KIF13B: variants seen among roughly 807,000 people sequenced by gnomAD.
KIF13B encodes the protein kinesin-like protein KIF13B.
Under a neutral mutation model 222.0 loss-of-function variants are expected in KIF13B, and 127 were observed. The ratio of observed to expected loss-of-function variants is 0.57; its 90% CI spans 0.50 to 0.66. The LOEUF (loss-of-function observed/expected upper bound fraction) is 0.66, where lower values mean the gene tolerates loss of function less well. Among genes scored for constraint, KIF13B ranks in the 30% least tolerant of loss-of-function variants. KIF13B has a pLI of 0.00. For missense variants in KIF13B, 2,173 were observed against 2,379.0 expected, an observed-to-expected ratio of 0.91 and a Z score of 1.80; for synonymous variants, 976 against 919.0, an observed-to-expected ratio of 1.06 and a Z score of -1.12.
chr8:29,103,772 C>T (rs774314968), intron 35 of KIF13B, among the ~76,000 whole-genome samples: 5 of 152,120 alleles, frequency 3.3e-5, no homozygotes, highest in Non-Finnish European at 7.4e-5. Context: ...CTCTTTAGAA[C>T]CGAACCACTT....
chr8:29,161,478 G>A (rs925211700), intron 12 of KIF13B, among the ~76,000 whole-genome samples: 1 of 152,196 alleles, frequency 6.6e-6, no homozygotes, highest in Admixed American at 6.5e-5. Context: ...GCCAAGGCAG[G>A]CAGATCACTT....
Position 29,113,489 on chromosome 8 carries a change from A to G in KIF13B, c.3904T>C (p.Phe1302Leu). 1.3e-6 allele frequency: 2 copies of G among 1,588,868 alleles called. No homozygotes were observed. Among genetic ancestry groups the G allele is most frequent in the Non-Finnish European group, 1.7e-6 (2 of 1,165,088 alleles). Residue 1302 changes from phenylalanine (F) to leucine (L), a missense_variant, in exon 32 of 40, where the codon TTT becomes CTT. Phe to Leu is a conservative substitution (Grantham distance 22). Around this residue, in one of 2 missense-constraint regions of KIF13B, gnomAD observed 1,480 missense variants for 1,722.8 expected, o/e 0.86. Coordinates refer to ENST00000524189, the MANE Select transcript of KIF13B (RefSeq NM_015254.4). ...RSSIPGCGVT[F>L]EIVSNIPEDA... is the part of the protein sequence containing the mutation. ...TCTGGAATATTGGAGACAATTTCAA[A>G]AGTCACTCCACAGCCAGGAATAGAA... is the stretch of plus-strand genomic sequence containing the variant.
intron 2 of KIF13B, among the ~76,000 whole-genome samples, chr8:29,235,925 A>C (rs958968591): frequency 6.6e-6 from 1 of 152,224 alleles, no homozygotes; most frequent in Non-Finnish European, 1.5e-5. Context: ...AATATTTACA[A>C]GGAAAATAAA....
At chr8:29,245,275 T>G (rs556954073) in intron 2 of KIF13B, 71 bp downstream of exon 2, 7 of 1,048,942 alleles carry the variant, frequency 6.7e-6, no homozygotes, top group Non-Finnish European at 1.0e-5. Context: ...TCAATGCAAC[T>G]TAATTCAGCA....
intron 2 of KIF13B, among the ~76,000 whole-genome samples, chr8:29,198,606 A>C (rs1813546035): frequency 6.6e-6 from 1 of 152,236 alleles, no homozygotes; most frequent in South Asian, 2.1e-4. Context: ...TGCAGGCATC[A>C]GCCACGGCAC....
At chr8:29,114,689 G>A (rs1809515137) in intron 31 of KIF13B, among the ~76,000 whole-genome samples, 1 of 152,042 alleles carries the variant, frequency 6.6e-6, no homozygotes, top group African/African-American at 2.4e-5. Context: ...AGAGAAAATG[G>A]CATGCCTTAA....
At chr8:29,119,031 T>G in intron 29 of KIF13B, 39 bp from the exon 30 acceptor site, 1 of 1,597,240 alleles carries the variant, frequency 6.3e-7, no homozygotes, top group Non-Finnish European at 8.5e-7. Context: ...TGAGATCATT[T>G]TCAAGGATAA....
Position 29,113,481 on chromosome 8 carries a change from A to T in KIF13B, c.3912T>A (p.Ile1304=). 1 of 1,581,950 alleles carries T rather than the reference A, an allele frequency of 6.3e-7. No homozygotes were observed. Among genetic ancestry groups the T allele is most frequent in the Non-Finnish European group, 8.6e-7 (1 of 1,160,184 alleles). Residue 1304 remains isoleucine (I), a synonymous_variant, in exon 32 of 40, where the codon ATT becomes ATA. Transcript: ENST00000524189. ...SIPGCGVTFE[I]VSNIPEDAQG... is the part of the protein sequence containing the mutation. ...CCTTCACCTCTGGAATATTGGAGAC[A>T]ATTTCAAAAGTCACTCCACAGCCAG... is the stretch of plus-strand genomic sequence containing the variant.
At chr8:29,082,295 T>C (rs1341576035) in intron 37 of KIF13B, among the ~76,000 whole-genome samples, 2 of 152,242 alleles carry the variant, frequency 1.3e-5, no homozygotes, top group African/African-American at 4.8e-5. Flanking sequence ...ACATGGTCTA[T>C]AAGACATTAG....
In KIF13B at chr8:29,148,738, G is replaced by A; in HGVS notation, c.1652C>T (p.Ala551Val). The A allele has an allele frequency of 1.3e-6, 2 of 1,596,572 alleles. No individual in the cohort carries two copies. Among genetic ancestry groups the A allele is most frequent in the South Asian group, 1.2e-5 (1 of 86,808 alleles). The change falls in exon 16 of 40, where the codon GCA becomes GTA. Residue 551 changes from alanine (A) to valine (V), a missense_variant. Coordinates refer to ENST00000524189, the MANE Select transcript of KIF13B (RefSeq NM_015254.4). The part of the protein sequence containing the change: ...RLNLPKKKKK[A>V]EREDEDQDPS... ...ATCCTGGTCCTCATCCTCTCGTTCT[G>A]CTTTCTTTTTCTTTTTAGGCAAATT...
Position 29,132,323 on chromosome 8 carries a change from C to A in KIF13B, c.2927G>T (p.Arg976Leu). 6.4e-7 allele frequency: 1 copy of A among 1,554,010 alleles called. No individual in the cohort carries two copies. Among genetic ancestry groups the A allele is most frequent in the Non-Finnish European group, 8.7e-7 (1 of 1,150,310 alleles). The change falls in exon 23 of 40, where the codon CGT becomes CTT. Residue 976 changes from arginine (R) to leucine (L), a missense_variant. By Grantham distance (102) the Arg-to-Leu change is moderately radical. Around this residue, in one of 2 missense-constraint regions of KIF13B, gnomAD observed 1,480 missense variants for 1,722.8 expected, o/e 0.86. Coordinates refer to ENST00000524189, the MANE Select transcript of KIF13B (RefSeq NM_015254.4). ...WDLGIIQAKT[R>L]SLRDRWSEVT... ...TAATATTCACCTGTCCCGAAGACTA[C>A]GTGTCTTTGCTTGGATGATTCCCAA...
intron 1 of KIF13B, chr8:29,250,185 T>C: frequency 2.0e-6 from 1 of 495,918 alleles, no homozygotes; most frequent in Non-Finnish European, 3.6e-6. Context: ...ACATTTCGTC[T>C]GCACAGAAGA....
chr8:29,109,803 T>C, intron 33 of KIF13B, 115 bp downstream of exon 33: 7 of 1,004,662 alleles, frequency 7.0e-6, no homozygotes, highest in Non-Finnish European at 1.0e-5. Flanking sequence ...TCAAAGTTCA[T>C]TAGAGTGAAC....
chr8:29,089,723 G>A (rs79482355), intron 37 of KIF13B, among the ~76,000 whole-genome samples: 7,917 of 151,728 alleles, frequency 0.052, 254 homozygotes, highest in South Asian at 0.095. Context: ...GTGAAACCCC[G>A]TCTCTACTAA....
rs539116739 is a variant in KIF13B at position 29,237,283 on chromosome 8, CA to C, written c.149+8062del. ...GTCAAAAAAACTAAGCAAAATAAGC[CA>C]AAAAAAAAATGCAATAGTAGGACCT... is the stretch of plus-strand genomic sequence containing the variant. On this transcript the variant is annotated intron_variant, in intron 2 of 39. Coordinates refer to ENST00000524189, the MANE Select transcript of KIF13B (RefSeq NM_015254.4). 4.9e-3 allele frequency among the ~76,000 whole-genome samples: 714 copies of C among 145,210 alleles called. 5 individuals are homozygous for C. The highest frequency in any genetic ancestry group is 0.024 in the South Asian group (111 of 4,598).
intron 2 of KIF13B, among the ~76,000 whole-genome samples, chr8:29,228,472 A>AAAAAAAAAAAAAAATAT: frequency 1.5e-4 from 17 of 117,080 alleles, no homozygotes; most frequent in Admixed American, 4.5e-4. Flanking sequence ...ATCTTAAAAA[A>AAAAAAAAAAAAAAATAT]ATATATATAT....
intron 1 of KIF13B, among the ~76,000 whole-genome samples, chr8:29,253,392 T>C (rs1233768598): frequency 1.3e-5 from 2 of 151,726 alleles, no homozygotes; most frequent in Non-Finnish European, 1.5e-5. Context: ...AAAATGTTCA[T>C]ACTCAAGAAA....
At chr8:29,115,326 ATT>A (rs371020041) in intron 31 of KIF13B, among the ~76,000 whole-genome samples, 9 of 141,190 alleles carry the variant, frequency 6.4e-5, no homozygotes, top group South Asian at 2.3e-4. Flanking sequence ...AAAAAAAAGA[ATT>A]TTTTTTTTTT....
At chr8:29,098,959 G>C (rs1331913042) in intron 36 of KIF13B, among the ~76,000 whole-genome samples, 174 bp downstream of exon 36, 1 of 152,184 alleles carries the variant, frequency 6.6e-6, no homozygotes, top group Non-Finnish European at 1.5e-5. Flanking sequence ...AGCAATGCAA[G>C]ATCAATCCAA....
Sources: allele counts gnomAD v4.1 joint callset (sites outside exome capture counted in the v4.1 genomes callset), GRCh38; gene constraint gnomAD v4.1.1; regional missense constraint gnomAD v4.1.1; transcripts MANE v1.5; gene names NCBI Gene and HGNC (gene_info 2026-07-23, HGNC 2026-07-21).